The following CPNE9 variants were observed in gnomAD, a reference collection of about 807,000 sequenced individuals.
CPNE9 encodes the protein copine family member 9.
In CPNE9, 59 loss-of-function variants were observed where a neutral mutation model predicts 83.0. The ratio of observed to expected loss-of-function variants is 0.71; its 90% CI spans 0.58 to 0.88. The LOEUF is 0.88. CPNE9 is among the 40% of genes least tolerant of loss of function. The probability of loss-of-function intolerance (pLI) is 0.00; values close to 1 mark genes in which losing one functional copy is unlikely to be tolerated. For missense variants in CPNE9, 619 were observed against 720.8 expected (o/e 0.86, Z 1.62); for synonymous variants, 256 against 273.4 (o/e 0.94, Z 0.63).
In CPNE9 at chr3:9,715,977, A is replaced by G; in HGVS notation, c.826A>G (p.Thr276Ala). 2 of 1,611,382 alleles carry G rather than the reference A, an allele frequency of 1.2e-6. No individual in the cohort carries two copies. The highest frequency in any genetic ancestry group is 1.7e-6 in the Non-Finnish European group (2 of 1,178,858). Residue 276 changes from threonine to alanine, a missense_variant, in exon 14 of 21, where the codon ACG becomes GCG. By Grantham distance (58) the Thr-to-Ala change is moderately conservative. This residue lies in a region of CPNE9 where 438 missense variants were observed against 562.9 expected (regional missense o/e 0.78). Coordinates refer to ENST00000383832, the MANE Select transcript of CPNE9 (RefSeq NM_153635.3). ...GGCTGCCTATTCTGTCCCACAGGTG[A>G]CGCTGCTCTCCTTCTCTGTGGACTC... ...KKKYVNSGTVTLLSFSVDSEF... is the reference protein window; with the variant it reads ...KKKYVNSGTVALLSFSVDSEF...
chr3:9,704,729 C>T lies in CPNE9; in HGVS notation c.110-20C>T. ...GTGGGAGCCGACCTGACGTCCTTCC[C>T]TCCCCGCCCCCACCTGCAGTGGTGG... On this transcript the variant is annotated intron_variant, in intron 2 of 20. Coordinates refer to ENST00000383832, the MANE Select transcript of CPNE9 (RefSeq NM_153635.3). The surrounding 1 kb of genome is among the most constrained non-coding windows in gnomAD (Gnocchi z 7.1). 6.2e-7 allele frequency: 1 copy of T among 1,612,510 alleles called. No individual in the cohort carries two copies. The highest frequency in any genetic ancestry group is 8.5e-7 in the Non-Finnish European group (1 of 1,179,586).
intron 20 of CPNE9, 34 bp from the exon 21 acceptor site, chr3:9,729,473 A>G (rs1384906962): frequency 1.3e-6 from 2 of 1,582,712 alleles, no homozygotes; most frequent in Non-Finnish European, 1.7e-6. Context: ...TCTCCTGGTC[A>G]TGGCTTATCT....
Position 9,712,582 on chromosome 3 carries a change from C to G in CPNE9, c.419C>G (p.Ala140Gly). 6.2e-7 allele frequency: 1 copy of G among 1,614,182 alleles called. No homozygotes were observed. Among genetic ancestry groups the G allele is most frequent in the Non-Finnish European group, 8.5e-7 (1 of 1,180,020 alleles). ...AAGTGTGGGACCATATTGCTGACTG[C>G]AGAAGAGCTTAGCAATTGTCGGGTC... ...GKKCGTILLT[A>G]EELSNCRDIA... Residue 140 changes from alanine (A) to glycine (G), a missense_variant, in exon 8 of 21, where the codon GCA (alanine) becomes GGA (glycine). By Grantham distance (60) the Ala-to-Gly change is moderately conservative (BLOSUM62 0). This residue lies in a region of CPNE9 where 438 missense variants were observed against 562.9 expected (regional missense o/e 0.78). Coordinates refer to ENST00000383832, the MANE Select transcript of CPNE9 (RefSeq NM_153635.3).
chr3:9,725,520 G>A (rs1250708283), intron 17 of CPNE9, among the ~76,000 whole-genome samples: 1 of 151,644 alleles, frequency 6.6e-6, no homozygotes, highest in African/African-American at 2.4e-5. Context: ...GGGCAACAGG[G>A]TAAGACTCTG....
Position 9,703,896 on chromosome 3 carries a change from C to CCGA in CPNE9, c.-99_-97dup, listed in dbSNP as rs1487798725. 1.0e-6 allele frequency: 1 copy of CCGA among 991,652 alleles called. No individual in the cohort carries two copies. The allele number at this position is 991,652 out of a possible 1,614,324, so 61.4% of individuals were successfully genotyped here. A position where few individuals can be genotyped will look rare whatever the true frequency, so the allele number is the denominator to read the frequency against. On this transcript the variant is annotated 5_prime_UTR_variant, in exon 1 of 21. Transcript: ENST00000383832. ...GGAGCGAGTGCAGCCGCCGCCGCCG[C>CCGA]CGACACCGCGGCACATGGGCCGGCC...
rs1254067890 is a variant in CPNE9, at chr3:9,704,278, G to A, written c.68+214G>A. 6.6e-6 allele frequency among the ~76,000 whole-genome samples: 1 copy of A among 152,230 alleles called. No individual in the cohort carries two copies. The highest frequency in any genetic ancestry group is 2.4e-5 in the African/African-American group (1 of 41,480). On this transcript the variant is annotated intron_variant, in intron 1 of 20. Coordinates refer to ENST00000383832, the MANE Select transcript of CPNE9 (RefSeq NM_153635.3). The surrounding 1 kb of genome is among the most constrained non-coding windows in gnomAD (Gnocchi z 7.1). The stretch of plus-strand genomic sequence containing the variant: ...AAAAAGGGCTCAGCCTGCGGGTTCA[G>A]GGGGTGGGTCGCAGATATCCGGTAG...
At chr3:9,705,748 TTGGGGG>T in intron 6 of CPNE9, 28 bp downstream of exon 6, 6 of 1,610,908 alleles carry the variant, frequency 3.7e-6, no homozygotes, top group East Asian at 2.2e-5. Context: ...TGGGCAGAGG[TTGGGGG>T]TGGGGGTGGT....
At chr3:9,726,561 A>G (rs553896507) in intron 18 of CPNE9, 104 bp from the exon 19 acceptor site, 1 of 850,896 alleles carries the variant, frequency 1.2e-6, no homozygotes, top group African/African-American at 1.7e-5. Context: ...TCTGCTTACA[A>G]GATGTGCAGA....
intron 19 of CPNE9, 85 bp from the exon 20 acceptor site, chr3:9,727,028 A>G: frequency 7.3e-7 from 1 of 1,377,116 alleles, no homozygotes; most frequent in Non-Finnish European, 1.0e-6. Flanking sequence ...TCTCCTGATG[A>G]CTCCAAAGGG....
rs377248764 is a variant in CPNE9 at position 9,713,872 on chromosome 3, C to A, written c.650+793C>A. ...AGATCACGAGGTCAGGAGATCGAGACCATCCTGGCTAACACGGTGAAACCC... is the reference window on the plus strand; with the variant it reads ...AGATCACGAGGTCAGGAGATCGAGAACATCCTGGCTAACACGGTGAAACCC... On this transcript the variant is annotated intron_variant, in intron 10 of 20. Transcript: ENST00000383832. Among the ~76,000 whole-genome samples, 11 of 151,912 alleles carry A rather than the reference C, an allele frequency of 7.2e-5. No individual in the cohort carries two copies. The East Asian group carries it at 1.7e-3, about 24-fold the overall frequency.
intron 20 of CPNE9, among the ~76,000 whole-genome samples, chr3:9,728,406 C>A (rs2076801853): frequency 6.6e-6 from 1 of 152,026 alleles, no homozygotes; most frequent in South Asian, 2.1e-4. Context: ...GGCGGATTGC[C>A]TGAGGTCAGG....
chr3:9,719,795 C>T (rs747539871), intron 17 of CPNE9, among the ~76,000 whole-genome samples: 11 of 151,916 alleles, frequency 7.2e-5, no homozygotes, highest in Non-Finnish European at 1.5e-4. Flanking sequence ...AGTTCAAGAC[C>T]AGCCTGGCCA....
At chr3:9,707,663 T>C (rs2125460528) in intron 7 of CPNE9, among the ~76,000 whole-genome samples, 2 of 151,382 alleles carry the variant, frequency 1.3e-5, no homozygotes, top group Middle Eastern at 3.4e-3. Flanking sequence ...TGTGCACTTG[T>C]AGTCCCAGCT....
intron 7 of CPNE9, among the ~76,000 whole-genome samples, chr3:9,709,543 AG>A (rs1425584833): frequency 1.3e-5 from 2 of 151,130 alleles, no homozygotes; most frequent in Admixed American, 1.3e-4. Context: ...CAATTTTTGT[AG>A]TTTTTAGTAG....
intron 7 of CPNE9, among the ~76,000 whole-genome samples, chr3:9,709,007 T>C (rs1210220079): frequency 4.7e-5 from 7 of 148,700 alleles, no homozygotes; most frequent in Middle Eastern, 3.4e-3. Context: ...GGGGCGGTGG[T>C]TCACACCTGT....
At chr3:9,715,143 C>T (rs1051017935) in intron 11 of CPNE9, 146 bp from the exon 12 acceptor site, 20 of 976,668 alleles carry the variant, frequency 2.0e-5, no homozygotes, top group Non-Finnish European at 3.1e-6. Flanking sequence ...CCGTTTTTCC[C>T]CTATGTTTGG....
At chr3:9,705,539 G>C (rs761238652) in intron 5 of CPNE9, 39 bp downstream of exon 5, 1 of 1,607,406 alleles carries the variant, frequency 6.2e-7, no homozygotes, top group African/African-American at 1.3e-5. Flanking sequence ...GGAGCGCACA[G>C]GAGGCACTTA....
intron 7 of CPNE9, among the ~76,000 whole-genome samples, chr3:9,708,446 A>G (rs1355898684): frequency 1.3e-5 from 2 of 152,272 alleles, no homozygotes; most frequent in African/African-American, 4.8e-5. Context: ...GGGTGATGTC[A>G]TGGAAGCAAA....
At chr3:9,718,276 G>C (rs1020927372) in intron 16 of CPNE9, 66 bp downstream of exon 16, 1 of 1,500,556 alleles carries the variant, frequency 6.7e-7, no homozygotes, top group African/African-American at 1.4e-5. Flanking sequence ...TGATGATTTT[G>C]TTCTGTTTAC....
Sources: allele counts gnomAD v4.1 joint callset (sites outside exome capture counted in the v4.1 genomes callset), GRCh38; gene constraint gnomAD v4.1.1; regional missense constraint gnomAD v4.1.1; non-coding constraint Gnocchi (gnomAD v3.1); transcripts MANE v1.5; gene names NCBI Gene and HGNC (gene_info 2026-07-23, HGNC 2026-07-21).